The following COPA variants were observed in gnomAD, a reference collection of about 807,000 sequenced individuals.
The protein encoded by COPA is coatomer subunit alpha.
COPA carries 10 observed loss-of-function variants against 158.7 expected under a neutral mutation model. The observed-to-expected ratio is 0.06, with a 90% CI of 0.04 to 0.11. COPA has a LOEUF of 0.11. COPA is among the 10% of genes least tolerant of loss of function. The probability of loss-of-function intolerance (pLI) is 1.00; values close to 1 mark genes in which losing one functional copy is unlikely to be tolerated. For missense variants in COPA, 1,065 were observed against 1,536.7 expected (o/e 0.69, Z 5.13); for synonymous variants, 462 against 542.8 (o/e 0.85, Z 2.07).
chr1:160,302,597 C>G (rs926667513), intron 17 of COPA, among the ~76,000 whole-genome samples: 8 of 143,668 alleles, frequency 5.6e-5, no homozygotes, highest in African/African-American at 2.1e-4. Context: ...CTCTGTCGCC[C>G]AGGTTGGAGT....
chr1:160,311,875 A>G lies in COPA; in HGVS notation c.1069T>C (p.Leu357=). The G allele has an allele frequency of 1.9e-6, 3 of 1,612,404 alleles. No individual in the cohort carries two copies. Among genetic ancestry groups the G allele is most frequent in the Non-Finnish European group, 1.7e-6 (2 of 1,178,856 alleles). The part of the protein sequence containing the change: ...NSSKDVAVMQ[L]RSGSKFPVFN... Reference sequence around the variant, plus strand: ...GAAACAAGTCCGATTTACCTCCGCAACTGCATCACAGCTACATCTTTGGAG... The same window carrying G: ...GAAACAAGTCCGATTTACCTCCGCAGCTGCATCACAGCTACATCTTTGGAG... The change falls in exon 11 of 33, where the codon TTG becomes CTG. Residue 357 remains leucine (L), a synonymous_variant. Coordinates refer to ENST00000241704, the MANE Select transcript of COPA (RefSeq NM_004371.4).
At chr1:160,321,001 T>A (rs1484534665) in intron 8 of COPA, among the ~76,000 whole-genome samples, 2 of 152,134 alleles carry the variant, frequency 1.3e-5, no homozygotes, top group Non-Finnish European at 2.9e-5. Context: ...GATCATTTAC[T>A]AAGATCAAGT....
chr1:160,310,360 T>C, intron 11 of COPA, 102 bp from the exon 12 acceptor site: 1 of 550,778 alleles, frequency 1.8e-6, no homozygotes, highest in South Asian at 3.6e-5. Context: ...ATCTTTACAC[T>C]ATATACTCAT....
At chr1:160,302,617 C>T (rs538428914) in intron 17 of COPA, among the ~76,000 whole-genome samples, 11 of 142,434 alleles carry the variant, frequency 7.7e-5, no homozygotes, top group East Asian at 4.1e-4. Flanking sequence ...TGCAGTGGCG[C>T]GATCTCAGCT....
chr1:160,306,474 T>C lies in COPA; in HGVS notation c.1322A>G (p.Lys441Arg), dbSNP rs755754729. The C allele has an allele frequency of 1.1e-5, 17 of 1,614,116 alleles. No individual in the cohort carries two copies. Among genetic ancestry groups the C allele is most frequent in the Middle Eastern group, 1.6e-4 (1 of 6,084 alleles). ...RMHSLLIKNLKNEITKKVQVP... is the reference protein window; with the variant it reads ...RMHSLLIKNLRNEITKKVQVP... ...CTGTACCTTTTTGGTGATCTCATTC[T>C]TCAGATTCTTGATCAGAAGCTGCAA... Residue 441 changes from lysine (K) to arginine (R), a missense_variant, in exon 15 of 33, where the codon AAG becomes AGG. By Grantham distance (26) the Lys-to-Arg change is conservative. This residue lies in a region of COPA where 980 missense variants were observed against 1,357.8 expected (regional missense o/e 0.72). Transcript: ENST00000241704.
At chr1:160,310,986 T>G (rs912946781) in intron 11 of COPA, among the ~76,000 whole-genome samples, 9 of 152,178 alleles carry the variant, frequency 5.9e-5, no homozygotes, top group African/African-American at 2.2e-4. Context: ...TGTGGCAGAA[T>G]GATTTTCCAT....
intron 8 of COPA, among the ~76,000 whole-genome samples, chr1:160,314,692 T>C (rs1023157259): frequency 1.3e-5 from 2 of 152,222 alleles, no homozygotes; most frequent in African/African-American, 4.8e-5. Flanking sequence ...TCTGTCCTGA[T>C]AACAACTGTC....
In COPA at chr1:160,292,212, A is replaced by G. The variant is rs1206772121; in HGVS notation, c.2961-14T>C. On this transcript the variant is annotated splice_polypyrimidine_tract_variant and intron_variant, in intron 28 of 32. Transcript: ENST00000241704. ...CCTGCATCCTTCCTGGAAAGGGAAA[A>G]GTAGGAAGAAGACAGGATAGTCAGT... The G allele has an allele frequency of 6.2e-7, 1 of 1,607,112 alleles. No individual in the cohort carries two copies. The highest frequency in any genetic ancestry group is 8.5e-7 in the Non-Finnish European group (1 of 1,176,158).
chr1:160,290,356 G>C, intron 32 of COPA, 136 bp downstream of exon 32: 1 of 1,356,128 alleles, frequency 7.4e-7, no homozygotes, highest in Non-Finnish European at 1.0e-6. Context: ...GCAGTGGGGA[G>C]ATGCTCTAGC....
intron 17 of COPA, among the ~76,000 whole-genome samples, chr1:160,303,842 T>C (rs1658694888): frequency 6.6e-6 from 1 of 152,116 alleles, no homozygotes; most frequent in African/African-American, 2.4e-5. Context: ...ATTAAAGATT[T>C]GAACAGAATT....
rs1647631351 is a variant in COPA at position 160,333,584 on chromosome 1, C to A, written c.386+19G>T. The A allele has an allele frequency of 1.9e-6, 3 of 1,591,384 alleles. No homozygotes were observed. The highest frequency in any genetic ancestry group is 2.2e-5 in the South Asian group (2 of 89,382). ...GGAAAAATGAAGACTCTTTTCGAGC[C>A]CTCTGCCTCCTGCTTTACCAAACAC... On this transcript the variant is annotated intron_variant, in intron 5 of 32. Transcript: ENST00000241704.
intron 10 of COPA, 77 bp downstream of exon 10, chr1:160,313,008 A>G: frequency 7.6e-7 from 1 of 1,309,816 alleles, no homozygotes; most frequent in Non-Finnish European, 1.1e-6. Flanking sequence ...CATTTACTAG[A>G]GACAAAGCTA....
intron 3 of COPA, 170 bp downstream of exon 3, chr1:160,339,739 G>A (rs1647948868): frequency 8.6e-6 from 5 of 581,040 alleles, no homozygotes; most frequent in Non-Finnish European, 9.1e-6. Context: ...ACAGTGTCTG[G>A]TACACAGTAA....
intron 18 of COPA, 50 bp from the exon 19 acceptor site, chr1:160,299,041 A>G (rs1450406588): frequency 6.8e-6 from 11 of 1,607,030 alleles, no homozygotes; most frequent in Non-Finnish European, 9.4e-6. Context: ...ACTTACAGGA[A>G]AAGAAAAAAA....
chr1:160,340,141 A>G, intron 2 of COPA, 40 bp downstream of exon 2: 1 of 1,517,096 alleles, frequency 6.6e-7, no homozygotes, highest in Non-Finnish European at 9.1e-7. Flanking sequence ...GATATTATAA[A>G]TACTTATACT....
Position 160,317,315 on chromosome 1 carries a change from G to C in COPA, c.707-3190C>G, listed in dbSNP as rs577404573. On this transcript the variant is annotated intron_variant, in intron 8 of 32. Coordinates refer to ENST00000241704, the MANE Select transcript of COPA (RefSeq NM_004371.4). The stretch of plus-strand genomic sequence containing the variant: ...CTGCGGTGTTGTGCTGTGGGGAAGG[G>C]AGAAGGATTTGTAAACCCCGGAGTG... 333 of 1,216,988 alleles carry C rather than the reference G, an allele frequency of 2.7e-4. No individual in the cohort carries two copies. The African/African-American group carries it at 4.4e-3, about 16-fold the overall frequency. The allele number at this position is 1,216,988 out of a possible 1,614,324, so 75.4% of individuals were successfully genotyped here.
chr1:160,334,220 A>G (rs1383596084), intron 4 of COPA, among the ~76,000 whole-genome samples: 1 of 152,164 alleles, frequency 6.6e-6, no homozygotes. Flanking sequence ...TTCTTACTAC[A>G]CTTGCTAAGC....
intron 13 of COPA, among the ~76,000 whole-genome samples, chr1:160,308,633 T>G (rs1658868631): frequency 6.6e-6 from 1 of 152,230 alleles, no homozygotes; most frequent in Non-Finnish European, 1.5e-5. Context: ...GAGTCTCAGC[T>G]GGATCCTGGG....
chr1:160,316,762 AAAAG>A (rs1461495722), intron 8 of COPA, among the ~76,000 whole-genome samples: 2 of 152,220 alleles, frequency 1.3e-5, no homozygotes, highest in East Asian at 3.9e-4. Flanking sequence ...AAAAAAAAAA[AAAAG>A]AATGATTGGT....
Sources: allele counts gnomAD v4.1 joint callset (sites outside exome capture counted in the v4.1 genomes callset), GRCh38; gene constraint gnomAD v4.1.1; regional missense constraint gnomAD v4.1.1; transcripts MANE v1.5; gene names NCBI Gene and HGNC (gene_info 2026-07-23, HGNC 2026-07-21).